The following KDM3A variants were observed in gnomAD, a reference collection of about 807,000 sequenced individuals.
The protein encoded by KDM3A is lysine-specific demethylase 3A.
In KDM3A, 60 loss-of-function variants were observed where a neutral mutation model predicts 158.0. That is an observed-to-expected ratio of 0.38 (90% CI 0.31 to 0.47). KDM3A has a LOEUF of 0.47. Ranked by LOEUF, KDM3A falls within the 20% of genes least tolerant of loss-of-function variation. The pLI, the probability that KDM3A is intolerant of heterozygous loss-of-function variation, is 0.99. For synonymous variants in KDM3A, 608 were observed against 549.3 expected (o/e 1.11, Z -1.49); for missense variants, 1,319 against 1,574.3 (o/e 0.84, Z 2.74).
chr2:86,451,540 A>G (rs1672469884), intron 4 of KDM3A, among the ~76,000 whole-genome samples: 1 of 152,210 alleles, frequency 6.6e-6, no homozygotes, highest in African/African-American at 2.4e-5. Flanking sequence ...GTGGAAGTAG[A>G]TCATTATAAA....
chr2:86,457,182 A>C, intron 8 of KDM3A, 111 bp downstream of exon 8: 1 of 361,790 alleles, frequency 2.8e-6, no homozygotes, highest in Non-Finnish European at 4.7e-6. Context: ...TAGAGATAGG[A>C]TCTCACTCTG....
At chr2:86,483,411 T>G (rs1674033428) in intron 18 of KDM3A, 2 of 152,452 alleles carry the variant, frequency 1.3e-5, no homozygotes. Flanking sequence ...TTTGCTCATT[T>G]AATCATATAT....
rs773492975 is a variant in KDM3A, at chr2:86,491,076, T to C, written c.3750+19T>C. 1.2e-6 allele frequency: 2 copies of C among 1,612,946 alleles called. No individual in the cohort carries two copies. The highest frequency in any genetic ancestry group is 2.2e-5 in the South Asian group (2 of 90,970). On this transcript the variant is annotated intron_variant, in intron 24 of 25. Transcript: ENST00000312912. ...ACATCAGGCAAGAATCATTACTTTT[T>C]CTTTAATCTCTTTATGTCATGAACT...
At chr2:86,443,779 A>G (rs1682841837) in intron 2 of KDM3A, among the ~76,000 whole-genome samples, 1 of 152,150 alleles carries the variant, frequency 6.6e-6, no homozygotes, top group Non-Finnish European at 1.5e-5. Context: ...TCTCCTGCCA[A>G]ATCAGGTTTT....
rs778057830 is a variant in KDM3A at position 86,456,419 on chromosome 2, T to TTC, written c.557-22_557-21insCT. On this transcript the variant is annotated intron_variant, in intron 5 of 25. Coordinates refer to ENST00000312912, the MANE Select transcript of KDM3A (RefSeq NM_018433.6). ...AGATAATGCAAATTGCTCTAAGATT[T>TTC]TTTTTTTTTTTTTTTTTTTAAGGTG... 872 of 1,243,902 alleles carry TTC rather than the reference T, an allele frequency of 7.0e-4. 3 individuals carry two copies. Among genetic ancestry groups the TTC allele is most frequent in the Non-Finnish European group, 4.8e-4 (452 of 936,252 alleles). The allele number at this position is 1,243,902 out of a possible 1,614,324, so 77.1% of individuals were successfully genotyped here.
chr2:86,452,305 C>A (rs1412487789), intron 4 of KDM3A, among the ~76,000 whole-genome samples: 1 of 150,604 alleles, frequency 6.6e-6, no homozygotes, highest in Admixed American at 6.7e-5. Flanking sequence ...AAGCTTCATT[C>A]GTCTGAGTTA....
intron 2 of KDM3A, among the ~76,000 whole-genome samples, chr2:86,443,001 GA>G (rs1442282964): frequency 6.6e-6 from 1 of 152,104 alleles, no homozygotes; most frequent in Non-Finnish European, 1.5e-5. Context: ...TCTTTTCAAA[GA>G]CAGATGAATT....
At chr2:86,473,072 G>A (rs1673491044) in intron 11 of KDM3A, among the ~76,000 whole-genome samples, 1 of 152,150 alleles carries the variant, frequency 6.6e-6, no homozygotes, top group Non-Finnish European at 1.5e-5. Context: ...TAGGATATCT[G>A]TTACAGGCTA....
At chr2:86,455,696 G>A (rs1672660396) in intron 5 of KDM3A, among the ~76,000 whole-genome samples, 1 of 152,072 alleles carries the variant, frequency 6.6e-6, no homozygotes, top group East Asian at 1.9e-4. Flanking sequence ...TGTGATCCCA[G>A]CACTTTGGGA....
intron 12 of KDM3A, among the ~76,000 whole-genome samples, chr2:86,475,235 G>A (rs762942800): frequency 7.9e-5 from 12 of 151,880 alleles, no homozygotes; most frequent in African/African-American, 1.9e-4. Flanking sequence ...GTGAAGTGAG[G>A]GTGGAATTTG....
At position 86,451,350 on chromosome 2, in the gene KDM3A, T is replaced by C. The variant is rs149900336; in HGVS notation, c.453+137T>C. 677 of 523,938 alleles carry C rather than the reference T, an allele frequency of 1.3e-3. 2 individuals carry two copies. Among genetic ancestry groups the C allele is most frequent in the East Asian group, 9.1e-3 (295 of 32,560 alleles). 32.5% of individuals were successfully genotyped at this position (523,938 alleles called of 1,614,324 possible). On this transcript the variant is annotated intron_variant, in intron 4 of 25. Transcript: ENST00000312912. ...CCTTGCACAGTAAAACATCTACATA[T>C]AACTTTGATTCCCTCCAAACTCTAC...
rs149318453 is a variant in KDM3A, at chr2:86,453,593, C to A, written c.454-1492C>A. Among the ~76,000 whole-genome samples the A allele has an allele frequency of 1.2e-3, 185 of 152,258 alleles. 1 individual carries two copies. The highest frequency in any genetic ancestry group is 6.8e-3 in the Middle Eastern group (2 of 294). ...TTTTCTACTTTATTGAAGCCCTTTG[C>A]GGCTCTTTCCATTGATACATACTTT... On this transcript the variant is annotated intron_variant, in intron 4 of 25. Coordinates refer to ENST00000312912, the MANE Select transcript of KDM3A (RefSeq NM_018433.6).
At chr2:86,451,507 A>G (rs1160131930) in intron 4 of KDM3A, among the ~76,000 whole-genome samples, 1 of 152,238 alleles carries the variant, frequency 6.6e-6, no homozygotes, top group African/African-American at 2.4e-5. Context: ...AATCATAAGC[A>G]GAATACATTT....
At chr2:86,461,999 T>C (rs146244632) in intron 8 of KDM3A, among the ~76,000 whole-genome samples, 193 of 152,178 alleles carry the variant, frequency 1.3e-3, no homozygotes, top group African/African-American at 4.5e-3. Context: ...TTTATAGAGA[T>C]TGCTCTGTGG....
chr2:86,485,079 A>G, intron 20 of KDM3A, 50 bp downstream of exon 20: 1 of 1,071,926 alleles, frequency 9.3e-7, no homozygotes, highest in Non-Finnish European at 1.4e-6. Context: ...ACTTGGTAGG[A>G]TAAATTCTTT....
At chr2:86,484,799 T>A (rs1307628286) in intron 19 of KDM3A, 143 bp from the exon 20 acceptor site, 2 of 556,368 alleles carry the variant, frequency 3.6e-6, no homozygotes, top group African/African-American at 3.8e-5. Flanking sequence ...AAGTAATATT[T>A]GTATACTAAA....
At chr2:86,480,987 T>C (rs907886520) in intron 16 of KDM3A, among the ~76,000 whole-genome samples, 2 of 152,164 alleles carry the variant, frequency 1.3e-5, no homozygotes, top group Admixed American at 6.5e-5. Flanking sequence ...ACCAGCTCAT[T>C]TGAGCCGAAG....
At chr2:86,480,753 CAT>C (rs1458887901) in intron 16 of KDM3A, among the ~76,000 whole-genome samples, 1 of 152,168 alleles carries the variant, frequency 6.6e-6, no homozygotes, top group Non-Finnish European at 1.5e-5. Flanking sequence ...TAAAAGAACT[CAT>C]AAATTAAGTC....
chr2:86,481,642 G>C (rs1258200528), intron 16 of KDM3A, among the ~76,000 whole-genome samples: 1 of 152,094 alleles, frequency 6.6e-6, no homozygotes, highest in Non-Finnish European at 1.5e-5. Flanking sequence ...AATATTTGTA[G>C]ACAGTACATG....
Sources: allele counts gnomAD v4.1 joint callset (sites outside exome capture counted in the v4.1 genomes callset), GRCh38; gene constraint gnomAD v4.1.1; transcripts MANE v1.5; gene names NCBI Gene and HGNC (gene_info 2026-07-23, HGNC 2026-07-21).